The following OTUD7B variants were observed in gnomAD, a reference collection of about 807,000 sequenced individuals.
OTUD7B encodes the protein OTU deubiquitinase 7B.
In OTUD7B, 34 loss-of-function variants were observed where a neutral mutation model predicts 82.2. The observed-to-expected ratio is 0.41, with a 90% CI of 0.31 to 0.55. OTUD7B has a LOEUF of 0.55. Ranked by LOEUF, OTUD7B falls within the 20% of genes least tolerant of loss-of-function variation. The pLI is 0.20. For missense variants in OTUD7B, 944 were observed against 1,062.1 expected, an observed-to-expected ratio of 0.89 and a Z score of 1.55; for synonymous variants, 398 against 402.7, an observed-to-expected ratio of 0.99 and a Z score of 0.14.
chr1:149,998,916 T>C (rs1553784006), intron 1 of OTUD7B, among the ~76,000 whole-genome samples: 3 of 152,260 alleles, frequency 2.0e-5, no homozygotes, highest in African/African-American at 7.2e-5. Context: ...GATATACTGC[T>C]ACATAGCCTG....
chr1:150,050,232 T>A, the OTUD7B span, among the ~76,000 whole-genome samples: 1 of 151,918 alleles, frequency 6.6e-6, no homozygotes, highest in Non-Finnish European at 1.5e-5. Context: ...ATATTACAAT[T>A]TTTGCCAATT....
At chr1:149,970,980 T>G (rs1649882246) in intron 3 of OTUD7B, 83 bp downstream of exon 3, 1 of 1,267,516 alleles carries the variant, frequency 7.9e-7, no homozygotes, top group Non-Finnish European at 1.1e-6. Context: ...TCACCTCCAA[T>G]GGATCACTAG....
the OTUD7B span, chr1:150,053,917 C>A: frequency 2.2e-6 from 1 of 454,952 alleles, no homozygotes; most frequent in Non-Finnish European, 3.5e-6. Flanking sequence ...AACCTGAAGT[C>A]AAGAAGGCTG....
the OTUD7B span, among the ~76,000 whole-genome samples, chr1:150,035,430 G>C: frequency 2.0e-5 from 3 of 152,240 alleles, no homozygotes; most frequent in African/African-American, 7.2e-5. Flanking sequence ...GGTATGGGTG[G>C]CATGGATGCC....
chr1:149,940,441 G>C lies in OTUD7B; in HGVS notation c.*3416C>G, dbSNP rs782126151. 2.6e-5 allele frequency: 4 copies of C among 152,142 alleles called. No homozygotes were observed. Among genetic ancestry groups the C allele is most frequent in the Non-Finnish European group, 4.4e-5 (3 of 68,030 alleles). The allele number at this position is 152,142 out of a possible 1,614,324, so 9.4% of individuals were successfully genotyped here. On this transcript the variant is annotated 3_prime_UTR_variant, in exon 12 of 12. Coordinates refer to ENST00000581312, the MANE Select transcript of OTUD7B (RefSeq NM_020205.4). ...CAGCATAGGTTAAGGGAGAAGCGGAGGCCTATCCTACAGTAATACTTACTC... is the reference window on the plus strand; with the variant it reads ...CAGCATAGGTTAAGGGAGAAGCGGACGCCTATCCTACAGTAATACTTACTC...
At chr1:150,001,261 G>T (rs191750655) in intron 1 of OTUD7B, among the ~76,000 whole-genome samples, 4 of 152,262 alleles carry the variant, frequency 2.6e-5, no homozygotes, top group African/African-American at 9.6e-5. Context: ...CTAAATGTTT[G>T]AAATATCTCA....
the OTUD7B span, among the ~76,000 whole-genome samples, chr1:150,052,003 T>C: frequency 1.3e-5 from 2 of 152,138 alleles, no homozygotes; most frequent in Non-Finnish European, 2.9e-5. Flanking sequence ...CAATAAACTA[T>C]GCATTAAAGG....
chr1:150,048,991 C>T, the OTUD7B span, among the ~76,000 whole-genome samples: 7 of 152,212 alleles, frequency 4.6e-5, no homozygotes, highest in African/African-American at 1.7e-4. Context: ...CGCCACCACA[C>T]TCGGCTAATT....
the OTUD7B span, among the ~76,000 whole-genome samples, chr1:150,020,456 G>C: frequency 6.6e-6 from 1 of 152,136 alleles, no homozygotes; most frequent in Admixed American, 6.5e-5. Context: ...AGAATCGCTT[G>C]AACTAGGGAG....
intron 1 of OTUD7B, among the ~76,000 whole-genome samples, chr1:149,985,419 C>G (rs1365874208): frequency 6.6e-6 from 1 of 151,778 alleles, no homozygotes; most frequent in Non-Finnish European, 1.5e-5. Context: ...AATAAACAAA[C>G]AAAAAAACAA....
chr1:149,952,767 A>C (rs1402400388), intron 7 of OTUD7B, among the ~76,000 whole-genome samples: 1 of 152,066 alleles, frequency 6.6e-6, no homozygotes, highest in Non-Finnish European at 1.5e-5. Flanking sequence ...ATGGTATCTC[A>C]TTGTGATTTT....
At chr1:149,994,046 A>C (rs1464944345) in intron 1 of OTUD7B, among the ~76,000 whole-genome samples, 1 of 152,204 alleles carries the variant, frequency 6.6e-6, no homozygotes, top group Non-Finnish European at 1.5e-5. Flanking sequence ...TTAGTACACA[A>C]GCCATCTGGT....
chr1:150,042,037 C>A, the OTUD7B span, among the ~76,000 whole-genome samples: 13 of 151,998 alleles, frequency 8.6e-5, no homozygotes, highest in South Asian at 2.1e-4. Flanking sequence ...AGAATTCTTT[C>A]TTTCTTTATT....
chr1:149,970,380 G>A (rs782216164), intron 3 of OTUD7B, among the ~76,000 whole-genome samples: 2 of 149,482 alleles, frequency 1.3e-5, no homozygotes, highest in Non-Finnish European at 3.0e-5. Context: ...GTGCAGTGGT[G>A]TAATCTCAGT....
chr1:149,960,417 C>CA (rs1553775443), intron 6 of OTUD7B, among the ~76,000 whole-genome samples: 6 of 5,318 alleles, frequency 1.1e-3, no homozygotes, highest in African/African-American at 1.9e-3. Context: ...TTTTTGTAGA[C>CA]AGAGTCACCC....
chr1:150,053,401 CTTTTTTTTTT>C, the OTUD7B span, among the ~76,000 whole-genome samples: 5 of 143,922 alleles, frequency 3.5e-5, no homozygotes, highest in African/African-American at 1.3e-4. Flanking sequence ...CTTTTTTTTT[CTTTTTTTTTT>C]TTGAGACTGA....
At chr1:150,026,836 C>T in the OTUD7B span, among the ~76,000 whole-genome samples, 8 of 152,166 alleles carry the variant, frequency 5.3e-5, no homozygotes, top group Admixed American at 5.2e-4. Flanking sequence ...ACCCTTTCTG[C>T]AGATTGGCCA....
In OTUD7B at chr1:149,944,384, G is replaced by A. The variant is rs201320900; in HGVS notation, c.2005C>T (p.Pro669Ser). The change falls in exon 12 of 12, where the codon CCA becomes TCA. Residue 669 changes from proline (P) to serine (S), a missense_variant. Transcript: ENST00000581312. ...GGPPPAKKPEPDAREEQPTGP... is the reference protein window; with the variant it reads ...GGPPPAKKPESDAREEQPTGP... ...GTCGGCTGCTCTTCCCTAGCATCTGGCTCTGGCTTTTTGGCTGGAGGAGGG... is the reference window on the plus strand; with the variant it reads ...GTCGGCTGCTCTTCCCTAGCATCTGACTCTGGCTTTTTGGCTGGAGGAGGG... The A allele has an allele frequency of 4.0e-5, 64 of 1,613,922 alleles. No homozygotes were observed. Among genetic ancestry groups the A allele is most frequent in the Non-Finnish European group, 5.3e-5 (63 of 1,179,980 alleles).
the OTUD7B span, among the ~76,000 whole-genome samples, chr1:150,017,621 C>A: frequency 6.6e-6 from 1 of 152,152 alleles, no homozygotes; most frequent in African/African-American, 2.4e-5. Flanking sequence ...TGAGGAGAGG[C>A]CTGGGAATGG....
Sources: gnomAD v4.1 joint callset for allele counts (sites outside exome capture counted in the v4.1 genomes callset) on GRCh38, gnomAD v4.1.1 for gene constraint, MANE v1.5 for transcripts, NCBI Gene and HGNC (gene_info 2026-07-23, HGNC 2026-07-21) for gene names.